The following CHCHD6 variants were observed in gnomAD, a reference collection of about 807,000 sequenced individuals.
CHCHD6 encodes coiled-coil-helix-coiled-coil-helix domain containing 6.
Under a neutral mutation model 32.3 loss-of-function variants are expected in CHCHD6, and 28 were observed. That is an observed-to-expected ratio of 0.87 (90% CI 0.64 to 1.19). The LOEUF (loss-of-function observed/expected upper bound fraction) is 1.19, where lower values mean the gene tolerates loss of function less well. Ranked by LOEUF, CHCHD6 falls within the 50% of genes most tolerant of loss-of-function variation. The pLI is 0.00. For missense variants in CHCHD6, 333 were observed against 307.0 expected, an observed-to-expected ratio of 1.08 and a Z score of -0.63; for synonymous variants, 122 against 117.5, an observed-to-expected ratio of 1.04 and a Z score of -0.25.
At chr3:126,779,535 CAA>C (rs11288509) in intron 4 of CHCHD6, among the ~76,000 whole-genome samples, 4,377 of 78,090 alleles carry the variant, frequency 0.056, 39 homozygotes, top group Middle Eastern at 0.07. Context: ...GACTCCATCT[CAA>C]AAAAAAAAAA....
intron 4 of CHCHD6, among the ~76,000 whole-genome samples, chr3:126,806,801 A>G (rs1196461686): frequency 6.6e-6 from 1 of 152,094 alleles, no homozygotes; most frequent in African/African-American, 2.4e-5. Flanking sequence ...ACCAACCCAA[A>G]TGTCCAACAA....
chr3:126,705,220 A>G (rs1934422379), intron 1 of CHCHD6, among the ~76,000 whole-genome samples: 1 of 152,192 alleles, frequency 6.6e-6, no homozygotes, highest in African/African-American at 2.4e-5. Flanking sequence ...CCCCGCGTCC[A>G]ACATTTATTA....
intron 5 of CHCHD6, among the ~76,000 whole-genome samples, chr3:126,865,975 C>T (rs1437506001): frequency 1.3e-5 from 2 of 152,086 alleles, no homozygotes; most frequent in Admixed American, 1.3e-4. Flanking sequence ...AAGTACAGTG[C>T]CCAAGACCTG....
chr3:126,912,048 G>T (rs1296511927), intron 5 of CHCHD6, among the ~76,000 whole-genome samples: 1 of 152,228 alleles, frequency 6.6e-6, no homozygotes, highest in Non-Finnish European at 1.5e-5. Context: ...CAGTGGCTGT[G>T]GTGGGCTGAG....
At position 126,960,165 on chromosome 3, in the gene CHCHD6, C is replaced by G. The variant is rs982367944; in HGVS notation, c.703-31C>G. 3.2e-6 allele frequency: 5 copies of G among 1,551,418 alleles called. No individual in the cohort carries two copies. The East Asian group carries it at 7.3e-5, about 23-fold the overall frequency. The stretch of plus-strand genomic sequence containing the variant: ...CTGGAGGGCATGGGCGGAGTGGGCC[C>G]TGACTCAACTCTGACCTGTTCTCTT... On this transcript the variant is annotated intron_variant, in intron 7 of 7. Coordinates refer to ENST00000290913, the MANE Select transcript of CHCHD6 (RefSeq NM_032343.3).
At chr3:126,775,892 G>A (rs1040077979) in intron 4 of CHCHD6, among the ~76,000 whole-genome samples, 7 of 152,204 alleles carry the variant, frequency 4.6e-5, no homozygotes, top group African/African-American at 1.7e-4. Context: ...AAGCACACTG[G>A]GTGCAGGTGC....
intron 5 of CHCHD6, among the ~76,000 whole-genome samples, chr3:126,862,282 A>G (rs1941938327): frequency 8.0e-6 from 1 of 125,548 alleles, no homozygotes; most frequent in African/African-American, 3.1e-5. Context: ...CTCCTCTACC[A>G]TCACCACCTC....
Position 126,715,306 on chromosome 3 carries a change from C to G in CHCHD6, c.87+10907C>G, listed in dbSNP as rs148017139. Among the ~76,000 whole-genome samples, 472 of 152,242 alleles carry G rather than the reference C, an allele frequency of 3.1e-3. 1 individual carries two copies. The highest frequency in any genetic ancestry group is 0.011 in the African/African-American group (453 of 41,530). ...ACGTTCCACCTCCCTGACTCAGTTT[C>G]TTCATCTGTAAAGTGGCGATCGCTG... is the stretch of plus-strand genomic sequence containing the variant. On this transcript the variant is annotated intron_variant, in intron 1 of 7. Coordinates refer to ENST00000290913, the MANE Select transcript of CHCHD6 (RefSeq NM_032343.3).
At chr3:126,844,120 C>T (rs935714340) in intron 4 of CHCHD6, among the ~76,000 whole-genome samples, 4 of 152,144 alleles carry the variant, frequency 2.6e-5, no homozygotes, top group Non-Finnish European at 5.9e-5. Flanking sequence ...TCCTTTTAAA[C>T]TTATTAGCTC....
intron 4 of CHCHD6, among the ~76,000 whole-genome samples, chr3:126,837,488 G>T (rs909956677): frequency 5.3e-5 from 8 of 152,178 alleles, no homozygotes; most frequent in Admixed American, 6.5e-5. Context: ...TGCCCAGGAG[G>T]TCGAGGCTGG....
At chr3:126,911,704 A>G (rs1432627270) in intron 5 of CHCHD6, among the ~76,000 whole-genome samples, 1 of 152,240 alleles carries the variant, frequency 6.6e-6, no homozygotes, top group Non-Finnish European at 1.5e-5. Flanking sequence ...CTGAGCTTGC[A>G]ATCAAACCCA....
intron 4 of CHCHD6, among the ~76,000 whole-genome samples, chr3:126,798,445 A>G (rs1055696532): frequency 1.2e-4 from 18 of 152,298 alleles, no homozygotes; most frequent in Middle Eastern, 3.4e-3. Context: ...CCTTGCTTTC[A>G]GGATGGGCCA....
chr3:126,792,376 A>G (rs1272447125), intron 4 of CHCHD6, among the ~76,000 whole-genome samples: 6 of 152,044 alleles, frequency 3.9e-5, no homozygotes, highest in Admixed American at 2.0e-4. Context: ...GCACTGCACC[A>G]TTTTATATTT....
At chr3:126,885,499 C>T (rs1290245042) in intron 5 of CHCHD6, among the ~76,000 whole-genome samples, 1 of 152,196 alleles carries the variant, frequency 6.6e-6, no homozygotes, top group Non-Finnish European at 1.5e-5. Context: ...AATTTTAAAA[C>T]ATGCATTTCA....
chr3:126,748,464 G>A (rs1936593458), intron 4 of CHCHD6, among the ~76,000 whole-genome samples: 2 of 152,082 alleles, frequency 1.3e-5, no homozygotes, highest in East Asian at 1.9e-4. Flanking sequence ...GCGTGGTGGT[G>A]GGCGCTGGTA....
At chr3:126,792,087 A>G (rs561122591) in intron 4 of CHCHD6, among the ~76,000 whole-genome samples, 1 of 152,212 alleles carries the variant, frequency 6.6e-6, no homozygotes, top group East Asian at 1.9e-4. Context: ...CATTGTGTAT[A>G]TATATAGCAG....
intron 4 of CHCHD6, among the ~76,000 whole-genome samples, chr3:126,788,206 G>A (rs1354503393): frequency 1.3e-5 from 2 of 152,148 alleles, no homozygotes; most frequent in African/African-American, 4.8e-5. Context: ...GCTTTTTGAT[G>A]TGCTTCTGGA....
chr3:126,841,208 T>TA (rs1263283762), intron 4 of CHCHD6, among the ~76,000 whole-genome samples: 3 of 152,364 alleles, frequency 2.0e-5, no homozygotes, highest in Admixed American at 2.0e-4. Flanking sequence ...TCCATGTCCC[T>TA]ACAAAGGACA....
At chr3:126,859,338 T>G in intron 5 of CHCHD6, among the ~76,000 whole-genome samples, 2 of 151,856 alleles carry the variant, frequency 1.3e-5, no homozygotes, top group Non-Finnish European at 1.5e-5. Flanking sequence ...AGGTGCTATG[T>G]GAGAAGGGAG....
Sources: allele counts gnomAD v4.1 joint callset (sites outside exome capture counted in the v4.1 genomes callset), GRCh38; gene constraint gnomAD v4.1.1; transcripts MANE v1.5; gene names NCBI Gene and HGNC (gene_info 2026-07-23, HGNC 2026-07-21).